Variants in LDLRAD4 observed in about 807,000 individuals in gnomAD.
The protein encoded by LDLRAD4 is low density lipoprotein receptor class A domain containing 4, also known as low-density lipoprotein receptor class A domain-containing protein 4.
In LDLRAD4, 5 loss-of-function variants were observed where a neutral mutation model predicts 17.0. That is an observed-to-expected ratio of 0.29 (90% confidence interval 0.15 to 0.62). The LOEUF (loss-of-function observed/expected upper bound fraction) is 0.62. Ranked by LOEUF, LDLRAD4 falls within the 20% of genes least tolerant of loss-of-function variation. The pLI, the probability that LDLRAD4 is intolerant of heterozygous loss-of-function variation, is 0.84. For missense variants in LDLRAD4, 340 were observed against 424.7 expected, an observed-to-expected ratio of 0.80 and a Z score of 1.75; for synonymous variants, 168 against 171.8, an observed-to-expected ratio of 0.98 and a Z score of 0.17.
chr18:13,548,468 G>A (rs1161475802), intron 3 of LDLRAD4, among the ~76,000 whole-genome samples: 1 of 152,216 alleles, frequency 6.6e-6, no homozygotes, highest in Non-Finnish European at 1.5e-5. Context: ...GTCCAGAAGG[G>A]GCCAAGGGCA....
intron 1 of LDLRAD4, among the ~76,000 whole-genome samples, chr18:13,315,145 AAT>A (rs896082293): frequency 6.6e-6 from 1 of 152,164 alleles, no homozygotes; most frequent in Non-Finnish European, 1.5e-5. Flanking sequence ...GTAAACCTGA[AAT>A]AGTTTAGCCT....
chr18:13,638,089 G>A (rs758635281), intron 4 of LDLRAD4, among the ~76,000 whole-genome samples: 1 of 152,010 alleles, frequency 6.6e-6, no homozygotes, highest in African/African-American at 2.4e-5. Context: ...GAAACTAAAT[G>A]AGCTGCCTGA....
intron 1 of LDLRAD4, among the ~76,000 whole-genome samples, chr18:13,354,671 A>G (rs2083237079): frequency 6.6e-6 from 1 of 152,220 alleles, no homozygotes; most frequent in Admixed American, 6.5e-5. Context: ...TGATTCAGAC[A>G]TTATTTAGCT....
intron 1 of LDLRAD4, among the ~76,000 whole-genome samples, chr18:13,343,715 C>T (rs2082511818): frequency 6.6e-6 from 1 of 152,160 alleles, no homozygotes; most frequent in South Asian, 2.1e-4. Context: ...TAAAAGTGTT[C>T]CTGTTTCTCT....
chr18:13,311,392 G>T (rs2047223948), intron 1 of LDLRAD4, among the ~76,000 whole-genome samples: 1 of 152,214 alleles, frequency 6.6e-6, no homozygotes, highest in Admixed American at 6.5e-5. Context: ...GTTGCGGGTG[G>T]CAGGAAGCTC....
chr18:13,253,551 A>G (rs2043340911), intron 1 of LDLRAD4, among the ~76,000 whole-genome samples: 1 of 152,136 alleles, frequency 6.6e-6, no homozygotes, highest in Non-Finnish European at 1.5e-5. Flanking sequence ...CGGATTGATT[A>G]TGACACATGG....
intron 3 of LDLRAD4, among the ~76,000 whole-genome samples, chr18:13,529,445 T>C (rs2094092596): frequency 6.6e-6 from 1 of 152,184 alleles, no homozygotes; most frequent in African/African-American, 2.4e-5. Context: ...AAAAAATGCA[T>C]ATGGAGACCT....
chr18:13,380,215 A>G (rs2085250391), intron 1 of LDLRAD4, among the ~76,000 whole-genome samples: 1 of 152,202 alleles, frequency 6.6e-6, no homozygotes, highest in Non-Finnish European at 1.5e-5. Flanking sequence ...TCCCTTGTGC[A>G]TGTGGGTGCT....
intron 3 of LDLRAD4, among the ~76,000 whole-genome samples, chr18:13,495,350 G>A (rs1428081616): frequency 2.6e-5 from 4 of 152,168 alleles, no homozygotes; most frequent in Admixed American, 2.6e-4. Flanking sequence ...TTTAGTTGAC[G>A]AATCTCAGGG....
intron 1 of LDLRAD4, among the ~76,000 whole-genome samples, chr18:13,329,652 C>T (rs1384744560): frequency 6.6e-6 from 1 of 152,088 alleles, no homozygotes; most frequent in Non-Finnish European, 1.5e-5. Context: ...TCAAACAAGA[C>T]AAAATACCCA....
In LDLRAD4 at chr18:13,246,713, T is replaced by G. The variant is rs545295753; in HGVS notation, c.-467+27725T>G. On this transcript the variant is annotated intron_variant, in intron 1 of 5. Coordinates refer to the LDLRAD4 transcript ENST00000399848. The stretch of plus-strand genomic sequence containing the variant: ...AAAATTGGCCTCCAGAGATCAACTG[T>G]GGAGTGCGCCATGTCAGAGGCTGTC... Among the ~76,000 whole-genome samples the G allele has an allele frequency of 1.4e-3, 209 of 152,368 alleles. 8 individuals are homozygous for G. The South Asian group carries it at 0.042, about 30-fold the overall frequency.
At chr18:13,453,061 C>T (rs188860153) in intron 3 of LDLRAD4, among the ~76,000 whole-genome samples, 13 of 152,232 alleles carry the variant, frequency 8.5e-5, no homozygotes, top group South Asian at 4.1e-4. Context: ...TGCACATGAG[C>T]GAGCGTGAGG....
chr18:13,397,342 AC>A (rs1239020245), intron 2 of LDLRAD4, among the ~76,000 whole-genome samples: 1 of 152,004 alleles, frequency 6.6e-6, no homozygotes, highest in Non-Finnish European at 1.5e-5. Context: ...ACAGAGTTTC[AC>A]CCTGTTAGCC....
At chr18:13,556,747 G>GTTGTCC (rs2094488369) in intron 3 of LDLRAD4, among the ~76,000 whole-genome samples, 1 of 152,126 alleles carries the variant, frequency 6.6e-6, no homozygotes, top group South Asian at 2.1e-4. Flanking sequence ...GTTGTCACTG[G>GTTGTCC]TTGTCCTTGT....
intron 3 of LDLRAD4, among the ~76,000 whole-genome samples, chr18:13,593,583 G>GTCCGTCCA (rs1480503547): frequency 1.4e-4 from 20 of 147,852 alleles, no homozygotes; most frequent in African/African-American, 5.2e-4. Context: ...CCGTCCGTCC[G>GTCCGTCCA]TCCATCCATC....
At chr18:13,505,772 C>T (rs1240183208) in intron 3 of LDLRAD4, among the ~76,000 whole-genome samples, 4 of 151,872 alleles carry the variant, frequency 2.6e-5, no homozygotes, top group African/African-American at 9.7e-5. Context: ...GAGCCGAGAT[C>T]GCACCACTGC....
At chr18:13,477,917 G>A (rs557272332) in intron 3 of LDLRAD4, among the ~76,000 whole-genome samples, 4 of 152,190 alleles carry the variant, frequency 2.6e-5, no homozygotes, top group African/African-American at 4.8e-5. Context: ...CGGCTTTTCC[G>A]TGGTCCCGGG....
At chr18:13,557,714 T>A (rs2094498887) in intron 3 of LDLRAD4, among the ~76,000 whole-genome samples, 1 of 152,250 alleles carries the variant, frequency 6.6e-6, no homozygotes, top group Admixed American at 6.5e-5. Context: ...CAAAGCTTTT[T>A]ATAGGGAGAC....
chr18:13,296,479 G>T (rs2046282150), intron 1 of LDLRAD4, among the ~76,000 whole-genome samples: 1 of 152,068 alleles, frequency 6.6e-6, no homozygotes, highest in Non-Finnish European at 1.5e-5. Flanking sequence ...GGGTCCTCAT[G>T]TGGCCTCTTC....
Sources: gnomAD v4.1 joint callset for allele counts (sites outside exome capture counted in the v4.1 genomes callset) on GRCh38, gnomAD v4.1.1 for gene constraint, MANE v1.5 for transcripts, NCBI Gene and HGNC (gene_info 2026-07-23, HGNC 2026-07-21) for gene names.